The following GSE1 variants were observed in gnomAD, a reference collection of about 807,000 sequenced individuals.
The protein encoded by GSE1 is Gse1 coiled-coil protein, also known as genetic suppressor element 1.
Under a neutral mutation model 112.6 loss-of-function variants are expected in GSE1, and 32 were observed. The ratio of observed to expected loss-of-function variants is 0.28; its 90% CI spans 0.21 to 0.38. The LOEUF is 0.38. GSE1 is among the 10% of genes least tolerant of loss of function. GSE1 has a pLI of 1.00. For synonymous variants in GSE1, 1,115 were observed against 735.6 expected, an observed-to-expected ratio of 1.52 and a Z score of -8.35; for missense variants, 2,348 against 1,699.2, an observed-to-expected ratio of 1.38 and a Z score of -6.71.
chr16:85,402,035 G>T (rs184592985), intron 2 of GSE1, among the ~76,000 whole-genome samples: 2 of 152,230 alleles, frequency 1.3e-5, no homozygotes, highest in Non-Finnish European at 2.9e-5. Flanking sequence ...ACTGGAGCCC[G>T]GAGACGTTGG....
intron 1 of GSE1, among the ~76,000 whole-genome samples, chr16:85,209,582 C>T (rs554803806): frequency 5.9e-5 from 9 of 152,282 alleles, no homozygotes; most frequent in Admixed American, 2.6e-4. Flanking sequence ...GTTCCAGAAA[C>T]GGCTTCTGCA....
chr16:85,302,676 G>C (rs1190240065), intron 1 of GSE1, among the ~76,000 whole-genome samples: 1 of 152,172 alleles, frequency 6.6e-6, no homozygotes, highest in African/African-American at 2.4e-5. Flanking sequence ...AGAGCTGATT[G>C]GGCCCAGGAA....
chr16:85,263,214 C>G (rs1435446516), intron 1 of GSE1, among the ~76,000 whole-genome samples: 1 of 152,092 alleles, frequency 6.6e-6, no homozygotes, highest in East Asian at 1.9e-4. Flanking sequence ...TCATCATCAT[C>G]ATGATGTTAG....
chr16:85,634,312 A>AC (rs2049806000), intron 2 of GSE1, among the ~76,000 whole-genome samples, 180 bp downstream of exon 2: 1 of 152,060 alleles, frequency 6.6e-6, no homozygotes. Context: ...CTGCCCCAGC[A>AC]CCTCCGCTTT....
At chr16:85,282,529 A>G (rs2044887124) in intron 1 of GSE1, among the ~76,000 whole-genome samples, 2 of 152,194 alleles carry the variant, frequency 1.3e-5, no homozygotes, top group South Asian at 4.1e-4. Flanking sequence ...CCAGTCTCAG[A>G]AAGTCAGAGT....
Position 85,300,548 on chromosome 16 carries a change from G to A in GSE1, c.2284-56915G>A, listed in dbSNP as rs545105692. 6.0e-4 allele frequency among the ~76,000 whole-genome samples: 91 copies of A among 152,296 alleles called. No homozygotes were observed. The South Asian group carries it at 6.6e-3, about 11-fold the overall frequency. ...ATGTGAATGGACTCACACACACTGC[G>A]GCCTTTGGTGTCTGGCTGCTTTCAC... On this transcript the variant is annotated intron_variant, in intron 1 of 2. Coordinates refer to the GSE1 transcript ENST00000637419.
intron 1 of GSE1, among the ~76,000 whole-genome samples, chr16:85,259,927 G>C (rs1427561304): frequency 6.6e-6 from 1 of 152,252 alleles, no homozygotes; most frequent in Non-Finnish European, 1.5e-5. Flanking sequence ...GAAAGGGCTG[G>C]ATGGTGACCA....
chr16:85,388,998 G>T (rs1186403170), intron 2 of GSE1, among the ~76,000 whole-genome samples: 2 of 152,172 alleles, frequency 1.3e-5, no homozygotes, highest in Non-Finnish European at 2.9e-5. Flanking sequence ...AGAGAGAAAT[G>T]TTCCACGATG....
At chr16:85,206,850 A>G (rs1192861343) in intron 1 of GSE1, among the ~76,000 whole-genome samples, 1 of 14,158 alleles carries the variant, frequency 7.1e-5, no homozygotes, top group African/African-American at 2.8e-4. Context: ...CGCCCCCTCC[A>G]CAAGCCCCCC....
At chr16:85,536,938 C>T (rs1052442387) in intron 2 of GSE1, among the ~76,000 whole-genome samples, 38 of 152,324 alleles carry the variant, frequency 2.5e-4, no homozygotes, top group African/African-American at 7.5e-4. Flanking sequence ...GGGACACATG[C>T]CCCTGGAGTT....
Position 85,174,532 on chromosome 16 carries a change from C to G in GSE1, c.2283+2725C>G, listed in dbSNP as rs539434137. On this transcript the variant is annotated intron_variant, in intron 1 of 2. Transcript: ENST00000637419. Reference sequence around the variant, plus strand: ...CTTCTGGTCTTCCGTCCTCCCTCCCCCTCCTTCCCATTCATTCAACAAATA... The same window carrying G: ...CTTCTGGTCTTCCGTCCTCCCTCCCGCTCCTTCCCATTCATTCAACAAATA... 2.1e-4 allele frequency among the ~76,000 whole-genome samples: 32 copies of G among 152,344 alleles called. No homozygotes were observed. In the South Asian group the frequency reaches 6.4e-3, roughly 31 times the overall value.
intron 1 of GSE1, among the ~76,000 whole-genome samples, chr16:85,327,382 C>T (rs765033441): frequency 4.6e-5 from 7 of 152,144 alleles, no homozygotes; most frequent in African/African-American, 7.2e-5. Context: ...GTGGGCAGAT[C>T]GTTTGAGGCC....
At chr16:85,346,436 G>A (rs1337256013) in intron 1 of GSE1, among the ~76,000 whole-genome samples, 1 of 150,854 alleles carries the variant, frequency 6.6e-6, no homozygotes, top group African/African-American at 2.4e-5. Flanking sequence ...ACAGGTGGAT[G>A]GTGGATGAGT....
intron 1 of GSE1, among the ~76,000 whole-genome samples, chr16:85,336,478 G>A (rs1220610716): frequency 2.0e-5 from 3 of 152,220 alleles, no homozygotes; most frequent in Non-Finnish European, 2.9e-5. Flanking sequence ...GCCACCTGCA[G>A]CCTTGGTGGC....
Position 85,298,688 on chromosome 16 carries a change from A to G in GSE1, c.2284-58775A>G, listed in dbSNP as rs189352315. ...GTGATCCACCTGCCTTGGCCTCCCA[A>G]AGTGATGGAATTACAGGCGTGAGCC... On this transcript the variant is annotated intron_variant, in intron 1 of 2. Coordinates refer to the GSE1 transcript ENST00000637419. 5.8e-3 allele frequency among the ~76,000 whole-genome samples: 886 copies of G among 152,308 alleles called. 8 individuals carry two copies. Among genetic ancestry groups the G allele is most frequent in the African/African-American group, 0.02 (847 of 41,564 alleles).
chr16:85,627,874 C>T (rs2049210362), intron 1 of GSE1, among the ~76,000 whole-genome samples: 1 of 152,252 alleles, frequency 6.6e-6, no homozygotes, highest in Admixed American at 6.5e-5. Flanking sequence ...TCCCCGCCAT[C>T]CCTGTGTCCC....
chr16:85,607,400 C>T (rs916388264), upstream of GSE1, among the ~76,000 whole-genome samples: 2 of 152,242 alleles, frequency 1.3e-5, no homozygotes, highest in African/African-American at 4.8e-5. Flanking sequence ...CGTCCCCATT[C>T]ACCAGGGCTC....
intron 2 of GSE1, among the ~76,000 whole-genome samples, chr16:85,417,579 C>T (rs900117591): frequency 1.3e-5 from 2 of 152,222 alleles, no homozygotes; most frequent in South Asian, 2.1e-4. Flanking sequence ...TCTGCATCAG[C>T]GGGTTAGGTG....
At chr16:85,215,000 C>T (rs575170120) in intron 1 of GSE1, among the ~76,000 whole-genome samples, 19 of 152,276 alleles carry the variant, frequency 1.2e-4, no homozygotes, top group Non-Finnish European at 2.2e-4. Context: ...CAATGCCAGG[C>T]GCAAGGCCCA....
Sources: allele counts gnomAD v4.1 joint callset (sites outside exome capture counted in the v4.1 genomes callset), GRCh38; gene constraint gnomAD v4.1.1; transcripts MANE v1.5; gene names NCBI Gene and HGNC (gene_info 2026-07-23, HGNC 2026-07-21).